Variants in CACNA1C observed in about 807,000 individuals in gnomAD.
The protein encoded by CACNA1C is calcium voltage-gated channel subunit alpha1 C.
In CACNA1C, 30 loss-of-function variants were observed where a neutral mutation model predicts 229.0. That is an observed-to-expected ratio of 0.13 (90% CI 0.10 to 0.18). The LOEUF is 0.18. CACNA1C is among the 10% of genes least tolerant of loss of function. The probability of loss-of-function intolerance (pLI) is 1.00; values close to 1 mark genes in which losing one functional copy is unlikely to be tolerated. For missense variants in CACNA1C, 1,658 were observed against 2,845.0 expected, an observed-to-expected ratio of 0.58 and a Z score of 9.49; for synonymous variants, 1,114 against 1,132.5, an observed-to-expected ratio of 0.98 and a Z score of 0.33.
In CACNA1C at chr12:2,647,758, T is replaced by G. The variant is rs535827580; in HGVS notation, c.3913-717T>G. Among the ~76,000 whole-genome samples, 2 of 152,306 alleles carry G rather than the reference T, an allele frequency of 1.3e-5. No individual in the cohort carries two copies. Among genetic ancestry groups the G allele is most frequent in the African/African-American group, 4.8e-5 (2 of 41,564 alleles). On this transcript the variant is annotated intron_variant, in intron 30 of 46. Transcript: ENST00000399655. The surrounding 1 kb of genome is among the most constrained non-coding windows in gnomAD (Gnocchi z 4.2). ...GTCAGCAAGGCCTCTGTCCTTCAGC[T>G]GGCCCTGCCTGGGGTAAGCTAAAGT... is the stretch of plus-strand genomic sequence containing the variant.
chr12:2,450,298 T>G (rs572950301), intron 4 of CACNA1C, among the ~76,000 whole-genome samples: 551 of 152,188 alleles, frequency 3.6e-3, no homozygotes, highest in Middle Eastern at 0.014. Flanking sequence ...CTCACACCTG[T>G]AATCCCAGCA....
intron 3 of CACNA1C, among the ~76,000 whole-genome samples, chr12:2,249,138 C>T (rs763882785): frequency 1.3e-5 from 2 of 152,288 alleles, no homozygotes; most frequent in African/African-American, 2.4e-5. Flanking sequence ...CCCAAGCCTG[C>T]CACTTAACAG....
chr12:2,079,136 G>A (rs1261236334), intron 1 of CACNA1C, among the ~76,000 whole-genome samples: 3 of 135,116 alleles, frequency 2.2e-5, no homozygotes, highest in Non-Finnish European at 4.6e-5. Context: ...TTGTGGGGTG[G>A]GGGGAGGGGG....
intron 28 of CACNA1C, among the ~76,000 whole-genome samples, 197 bp from the exon 29 acceptor site, chr12:2,611,706 G>A (rs2077888426): frequency 6.6e-6 from 1 of 152,134 alleles, no homozygotes. Flanking sequence ...TGTGTTCAGA[G>A]ATGGCAGAGC....
rs1158118225 is a variant in CACNA1C at position 2,152,305 on chromosome 12, C to T, written c.477+31875C>T. 6.6e-6 allele frequency among the ~76,000 whole-genome samples: 1 copy of T among 152,234 alleles called. No homozygotes were observed. The highest frequency in any genetic ancestry group is 2.4e-5 in the African/African-American group (1 of 41,462). On this transcript the variant is annotated intron_variant, in intron 3 of 46. Transcript: ENST00000399655. The surrounding 1 kb of genome is among the most constrained non-coding windows in gnomAD (Gnocchi z 4.2). ...GCTTAGAATGAAGAACTACAGTTCTCATCCTCCCTTGTGGCTAAGTGAGGT... is the reference window on the plus strand; with the variant it reads ...GCTTAGAATGAAGAACTACAGTTCTTATCCTCCCTTGTGGCTAAGTGAGGT...
intron 11 of CACNA1C, among the ~76,000 whole-genome samples, chr12:2,565,775 T>A (rs1354584528): frequency 2.6e-5 from 4 of 152,204 alleles, no homozygotes; most frequent in Non-Finnish European, 4.4e-5. Flanking sequence ...CTGGAAAGAT[T>A]CTATAACCCA....
chr12:2,436,191 T>C (rs568914785), intron 3 of CACNA1C, among the ~76,000 whole-genome samples: 1 of 152,264 alleles, frequency 6.6e-6, no homozygotes, highest in South Asian at 2.1e-4. Context: ...TCCTTATAAG[T>C]TCTTGAGTTA....
At chr12:2,140,066 A>G (rs2093991733) in intron 3 of CACNA1C, among the ~76,000 whole-genome samples, 1 of 151,324 alleles carries the variant, frequency 6.6e-6, no homozygotes, top group African/African-American at 2.4e-5. Context: ...GGTGCTGTGT[A>G]CTAGGCTAGG....
At chr12:2,628,582 A>G (rs2088455345) in intron 29 of CACNA1C, among the ~76,000 whole-genome samples, 1 of 152,060 alleles carries the variant, frequency 6.6e-6, no homozygotes, top group Non-Finnish European at 1.5e-5. Flanking sequence ...TGTGACTCCT[A>G]CGTCACTAGG....
In CACNA1C at chr12:2,584,615, C is replaced by T. The variant is rs1291124140; in HGVS notation, c.2337C>T (p.Ala779=). Residue 779 remains alanine, a splice_region_variant and synonymous_variant, in exon 16 of 47, where the codon GCC becomes GCT. Coordinates refer to ENST00000399655, the MANE Select transcript of CACNA1C (RefSeq NM_000719.7). The part of the protein sequence containing the change: ...EEEEKERKKL[A]RTASPEKKQE... ...AGGAGAAGGAGAGAAAGAAGCTGGC[C>T]AGGTAACCCTCTAAGCTTGCCCAGG... 3 of 1,606,630 alleles carry T rather than the reference C, an allele frequency of 1.9e-6. No individual in the cohort carries two copies. Among genetic ancestry groups the T allele is most frequent in the East Asian group, 2.2e-5 (1 of 44,798 alleles).
intron 3 of CACNA1C, among the ~76,000 whole-genome samples, chr12:2,406,407 A>G (rs1396425806): frequency 1.3e-5 from 2 of 152,176 alleles, no homozygotes; most frequent in Admixed American, 6.5e-5. Context: ...AGCATTTGTT[A>G]TAATCCCACA....
intron 8 of CACNA1C, among the ~76,000 whole-genome samples, chr12:2,507,451 C>T (rs536626293): frequency 1.2e-4 from 18 of 152,330 alleles, no homozygotes; most frequent in African/African-American, 4.1e-4. Flanking sequence ...GGTTTCCAGT[C>T]AGTGTCTTGA....
chr12:2,609,047 G>A (rs546933954), intron 27 of CACNA1C, among the ~76,000 whole-genome samples: 4 of 152,316 alleles, frequency 2.6e-5, no homozygotes, highest in South Asian at 4.1e-4. Context: ...ACCATGATAC[G>A]GAGGAGAGAA....
intron 29 of CACNA1C, among the ~76,000 whole-genome samples, chr12:2,618,104 G>A (rs1355367975): frequency 6.6e-6 from 1 of 152,212 alleles, no homozygotes; most frequent in South Asian, 2.1e-4. Flanking sequence ...TGGACCTGCT[G>A]TTTTAGGTGT....
At chr12:2,251,912 A>G (rs1333897357) in intron 3 of CACNA1C, among the ~76,000 whole-genome samples, 7 of 152,228 alleles carry the variant, frequency 4.6e-5, no homozygotes, top group Non-Finnish European at 8.8e-5. Context: ...AAGAGGGCTA[A>G]TGAAACCTGT....
Position 2,608,835 on chromosome 12 carries a change from T to C in CACNA1C, c.3558+123T>C, listed in dbSNP as rs932408310. On this transcript the variant is annotated intron_variant, in intron 27 of 46. Coordinates refer to ENST00000399655, the MANE Select transcript of CACNA1C (RefSeq NM_000719.7). The surrounding 1 kb of genome is among the most constrained non-coding windows in gnomAD (Gnocchi z 4.2). ...GCAGATACTGAGATCGTCTCTCTAT[T>C]CCTCAACCAGAGTGGGCTGTCAGTC... The C allele has an allele frequency of 1.4e-5, 13 of 929,090 alleles. No homozygotes were observed. Among genetic ancestry groups the C allele is most frequent in the Middle Eastern group, 2.4e-4 (1 of 4,254 alleles). 57.6% of individuals were successfully genotyped at this position (929,090 alleles called of 1,614,324 possible).
At chr12:2,570,953 C>G (rs1486390874) in intron 13 of CACNA1C, among the ~76,000 whole-genome samples, 1 of 152,212 alleles carries the variant, frequency 6.6e-6, no homozygotes, top group African/African-American at 2.4e-5. Context: ...GTTGGCATTA[C>G]AGAAAGTCCT....
rs117672125 is a variant in CACNA1C at position 2,346,157 on chromosome 12, G to A, written c.478-102819G>A. ...GATCCGCTGCAAGGTGATAGCCGTG[G>A]CTTGGTTGTCTGTGGGTGGAGCCGA... is the stretch of plus-strand genomic sequence containing the variant. On this transcript the variant is annotated intron_variant, in intron 3 of 46. Coordinates refer to ENST00000399655, the MANE Select transcript of CACNA1C (RefSeq NM_000719.7). This position sits in a 1 kb window ranked among gnomAD's most constrained non-coding sequence, Gnocchi z 4.4. Among the ~76,000 whole-genome samples the A allele has an allele frequency of 6.4e-4, 97 of 152,270 alleles. No homozygotes were observed. The highest frequency in any genetic ancestry group is 1.1e-3 in the Non-Finnish European group (74 of 68,028).
chr12:2,248,490 A>G (rs1313470952), intron 3 of CACNA1C, among the ~76,000 whole-genome samples: 1 of 152,212 alleles, frequency 6.6e-6, no homozygotes, highest in African/African-American at 2.4e-5. Context: ...TTCTGCCTGC[A>G]GTGCTGTAGA....
Sources: allele counts gnomAD v4.1 joint callset (sites outside exome capture counted in the v4.1 genomes callset), GRCh38; gene constraint gnomAD v4.1.1; non-coding constraint Gnocchi (gnomAD v3.1); transcripts MANE v1.5; gene names NCBI Gene and HGNC (gene_info 2026-07-23, HGNC 2026-07-21).